Variants in SYBU observed in about 807,000 individuals in gnomAD.
SYBU encodes syntabulin, also known as GOLSYN A protein.
In SYBU, 21 loss-of-function variants were observed where a neutral mutation model predicts 35.9. The observed-to-expected ratio is 0.58, with a 90% CI of 0.41 to 0.84. The LOEUF (loss-of-function observed/expected upper bound fraction) is 0.84, where lower values mean the gene tolerates loss of function less well. Ranked by LOEUF, SYBU falls within the 40% of genes least tolerant of loss-of-function variation. SYBU has a pLI of 0.00. For missense variants in SYBU, 768 were observed against 848.2 expected (o/e 0.91, Z 1.17); for synonymous variants, 319 against 324.3 (o/e 0.98, Z 0.18).
At chr8:109,666,366 T>A (rs988419682) in intron 1 of SYBU, among the ~76,000 whole-genome samples, 1 of 152,090 alleles carries the variant, frequency 6.6e-6, no homozygotes, top group African/African-American at 2.4e-5. Flanking sequence ...TAGATGCCAG[T>A]AGCAGCTCCC....
chr8:109,679,543 C>T lies in SYBU; in HGVS notation c.-129+1168G>A, dbSNP rs554496312. ...TGGAAAACATTGCTCTTAGTTTGTC[C>T]GCACAATAATGGCACTATTCTTATG... On this transcript the variant is annotated intron_variant, in intron 1 of 5. Transcript: ENST00000408889. Among the ~76,000 whole-genome samples the T allele has an allele frequency of 2.9e-4, 44 of 152,250 alleles. No homozygotes were observed. The South Asian group carries it at 3.7e-3, about 13-fold the overall frequency.
At chr8:109,618,427 A>AAG (rs569367014) in intron 3 of SYBU, among the ~76,000 whole-genome samples, 38 of 152,336 alleles carry the variant, frequency 2.5e-4, no homozygotes, top group Admixed American at 1.4e-3. Context: ...TATTTGCATC[A>AAG]AGATAACTCC....
chr8:109,620,839 A>G (rs1321859610), intron 2 of SYBU, among the ~76,000 whole-genome samples: 1 of 152,144 alleles, frequency 6.6e-6, no homozygotes, highest in African/African-American at 2.4e-5. Context: ...CTTCAACCCA[A>G]AGATATTTGA....
intron 3 of SYBU, 93 bp from the exon 4 acceptor site, chr8:109,586,255 G>A (rs983845982): frequency 1.9e-5 from 17 of 885,240 alleles, no homozygotes; most frequent in South Asian, 1.9e-4. Context: ...TGCTCCCTGC[G>A]TTTGCACACT....
intron 2 of SYBU, among the ~76,000 whole-genome samples, chr8:109,639,346 A>T (rs1814594466): frequency 6.6e-6 from 1 of 152,144 alleles, no homozygotes; most frequent in Non-Finnish European, 1.5e-5. Context: ...TCTTTTTTAA[A>T]AAAGTAAAAA....
At chr8:109,588,711 G>A (rs1034310764) in intron 3 of SYBU, among the ~76,000 whole-genome samples, 10 of 137,094 alleles carry the variant, frequency 7.3e-5, no homozygotes, top group African/African-American at 2.5e-4. Flanking sequence ...CACACCCCCC[G>A]CCCCCGCCGC....
intron 3 of SYBU, among the ~76,000 whole-genome samples, chr8:109,601,955 T>A (rs981744651): frequency 1.3e-5 from 2 of 152,164 alleles, no homozygotes; most frequent in African/African-American, 4.8e-5. Flanking sequence ...ACAGTGATGC[T>A]TTATGAAGAC....
chr8:109,582,984 G>A (rs1823213179), intron 4 of SYBU, among the ~76,000 whole-genome samples: 1 of 152,106 alleles, frequency 6.6e-6, no homozygotes, highest in Admixed American at 6.5e-5. Flanking sequence ...CCAGAACTGT[G>A]AGTAAATACA....
intron 3 of SYBU, among the ~76,000 whole-genome samples, chr8:109,589,151 C>T (rs1196581943): frequency 6.6e-6 from 1 of 152,058 alleles, no homozygotes; most frequent in Non-Finnish European, 1.5e-5. Flanking sequence ...CAGAGCAAGA[C>T]TCCATCTCAA....
intron 1 of SYBU, among the ~76,000 whole-genome samples, chr8:109,662,664 T>C (rs879275140): frequency 6.6e-6 from 1 of 152,182 alleles, no homozygotes; most frequent in Non-Finnish European, 1.5e-5. Flanking sequence ...TTTTCATGGG[T>C]TCTGTAGTAT....
chr8:109,623,047 A>G (rs2130423865), intron 2 of SYBU, among the ~76,000 whole-genome samples: 1 of 142,130 alleles, frequency 7.0e-6, no homozygotes, highest in Middle Eastern at 3.6e-3. Flanking sequence ...ACACACACAC[A>G]CAAACGCACA....
intron 1 of SYBU, among the ~76,000 whole-genome samples, chr8:109,663,766 C>CA (rs1295685577): frequency 2.4e-4 from 37 of 152,146 alleles, no homozygotes; most frequent in Admixed American, 1.3e-3. Context: ...CTTTTGCCCA[C>CA]AAAAAACATG....
intron 2 of SYBU, among the ~76,000 whole-genome samples, chr8:109,631,696 G>A (rs926869508): frequency 5.3e-5 from 8 of 152,212 alleles, no homozygotes; most frequent in African/African-American, 1.9e-4. Context: ...TTTGGCGAGG[G>A]AGGAGTTGGT....
chr8:109,588,375 CT>C (rs1271398151), intron 3 of SYBU, among the ~76,000 whole-genome samples: 1 of 152,160 alleles, frequency 6.6e-6, no homozygotes, highest in African/African-American at 2.4e-5. Flanking sequence ...AATATACTGA[CT>C]TTTATGTATT....
At chr8:109,645,545 AG>A (rs1178107208), upstream of SYBU, 1 of 328,102 alleles carries the variant, frequency 3.0e-6, no homozygotes, top group African/African-American at 2.2e-5. Flanking sequence ...AATTGAACTC[AG>A]AAAAACGAGT....
At chr8:109,619,122 G>A (rs543670968) in intron 2 of SYBU, 83 bp from the exon 3 acceptor site, 9 of 1,000,926 alleles carry the variant, frequency 9.0e-6, no homozygotes, top group African/African-American at 3.1e-5. Context: ...CCACACACAC[G>A]CACACGTGCA....
intron 4 of SYBU, among the ~76,000 whole-genome samples, chr8:109,582,834 T>C (rs889580144): frequency 9.2e-5 from 14 of 152,108 alleles, no homozygotes; most frequent in African/African-American, 3.4e-4. Context: ...GGTGTCCTTA[T>C]ACAAAGAAGG....
intron 3 of SYBU, among the ~76,000 whole-genome samples, chr8:109,589,271 T>G (rs1823956996): frequency 6.6e-6 from 1 of 152,222 alleles, no homozygotes; most frequent in Admixed American, 6.5e-5. Flanking sequence ...GTGGAAAGTT[T>G]TAGCCAAGTT....
At chr8:109,609,919 A>G (rs561272363) in intron 3 of SYBU, among the ~76,000 whole-genome samples, 2 of 152,166 alleles carry the variant, frequency 1.3e-5, no homozygotes, top group Non-Finnish European at 2.9e-5. Context: ...GTTTCACCTC[A>G]TGATAATCCA....
Sources: gnomAD v4.1 joint callset for allele counts (sites outside exome capture counted in the v4.1 genomes callset) on GRCh38, gnomAD v4.1.1 for gene constraint, MANE v1.5 for transcripts, NCBI Gene and HGNC (gene_info 2026-07-23, HGNC 2026-07-21) for gene names.